Variants in ADGRD1 observed in about 807,000 individuals in gnomAD.
The protein encoded by ADGRD1 is adhesion G protein-coupled receptor D1.
In ADGRD1, 77 loss-of-function variants were observed where a neutral mutation model predicts 113.4. The ratio of observed to expected loss-of-function variants is 0.68; its 90% CI spans 0.57 to 0.82. ADGRD1 has a LOEUF of 0.82. ADGRD1 is among the 40% of genes least tolerant of loss of function. The pLI is 0.00. For synonymous variants in ADGRD1, 474 were observed against 475.0 expected (o/e 1.00, Z 0.03); for missense variants, 1,036 against 1,139.1 (o/e 0.91, Z 1.30).
At chr12:131,017,677 GACACAA>G (rs1157474754) in intron 13 of ADGRD1, among the ~76,000 whole-genome samples, 1 of 131,264 alleles carries the variant, frequency 7.6e-6, no homozygotes, top group Non-Finnish European at 1.6e-5. Context: ...CACCAACACA[GACACAA>G]ACACCCAGTG....
chr12:131,075,172 C>T lies in ADGRD1; in HGVS notation c.1474-1629C>T, dbSNP rs751926874. Among the ~76,000 whole-genome samples, 27 of 152,352 alleles carry T rather than the reference C, an allele frequency of 1.8e-4. No homozygotes were observed. The highest frequency in any genetic ancestry group is 6.0e-4 in the African/African-American group (25 of 41,584). On this transcript the variant is annotated intron_variant, in intron 13 of 24. Transcript: ENST00000261654. The surrounding 1 kb of genome is among the most constrained non-coding windows in gnomAD (Gnocchi z 5.3). ...TTTCCTTTAAATTACTCAGGTAACA[C>T]ACAAATACGCCTCCTTGTTAAAAAA...
chr12:131,037,039 T>A (rs1404967358), intron 13 of ADGRD1, among the ~76,000 whole-genome samples: 1 of 121,056 alleles, frequency 8.3e-6, no homozygotes. Flanking sequence ...ACTCACTGCA[T>A]GGGGCCTCAC....
chr12:131,079,568 C>G (rs2137182979), intron 14 of ADGRD1, among the ~76,000 whole-genome samples: 1 of 152,236 alleles, frequency 6.6e-6, no homozygotes, highest in African/African-American at 2.4e-5. Context: ...TTATTTCTTC[C>G]ATTTTAGTAG....
chr12:131,070,882 G>A (rs779235384), intron 13 of ADGRD1: 2 of 519,076 alleles, frequency 3.9e-6, no homozygotes, highest in South Asian at 1.4e-5. Context: ...GGACGTCCTG[G>A]AGAGTCGGGT....
intron 14 of ADGRD1, among the ~76,000 whole-genome samples, chr12:131,080,998 T>C (rs977115796): frequency 2.0e-5 from 3 of 152,260 alleles, no homozygotes; most frequent in Non-Finnish European, 4.4e-5. Flanking sequence ...TTATGTCTTC[T>C]TGGAAGATTA....
intron 13 of ADGRD1, among the ~76,000 whole-genome samples, chr12:131,039,386 G>T (rs898248378): frequency 6.6e-6 from 1 of 152,394 alleles, no homozygotes. Flanking sequence ...CCTGAGAGGA[G>T]GGTTTCCATA....
intron 13 of ADGRD1, among the ~76,000 whole-genome samples, chr12:131,058,196 G>T (rs1345706095): frequency 2.0e-5 from 3 of 152,114 alleles, no homozygotes; most frequent in Admixed American, 1.3e-4. Flanking sequence ...TTATTTCATA[G>T]CATCCCTCCA....
At chr12:131,056,155 AT>A (rs1293169268) in intron 13 of ADGRD1, among the ~76,000 whole-genome samples, 1 of 152,068 alleles carries the variant, frequency 6.6e-6, no homozygotes, top group South Asian at 2.1e-4. Context: ...TGAAAATATT[AT>A]TTTTTTCCTC....
intron 20 of ADGRD1, among the ~76,000 whole-genome samples, chr12:131,121,494 CCTCA>C (rs534719016): frequency 3.2e-4 from 48 of 152,306 alleles, no homozygotes; most frequent in African/African-American, 1.1e-3. Flanking sequence ...GATTCTCCTG[CCTCA>C]CTCTCCCAAG....
intron 22 of ADGRD1, 59 bp from the exon 23 acceptor site, chr12:131,136,914 A>G: frequency 7.6e-6 from 10 of 1,323,490 alleles, no homozygotes; most frequent in South Asian, 2.3e-5. Flanking sequence ...AGGAACCTCC[A>G]GTGTTCCTAA....
intron 12 of ADGRD1, among the ~76,000 whole-genome samples, chr12:131,010,186 T>C (rs78222385): frequency 0.068 from 10,411 of 152,268 alleles, 1,002 homozygotes; most frequent in African/African-American, 0.22. Flanking sequence ...TCAGAGATGC[T>C]GCCATGTGCC....
At chr12:131,004,403 C>A in intron 11 of ADGRD1, 107 bp downstream of exon 11, 1 of 851,692 alleles carries the variant, frequency 1.2e-6, no homozygotes, top group South Asian at 1.5e-5. Context: ...CTGCGGTGCT[C>A]CCCCGGGCCG....
intron 23 of ADGRD1, 122 bp from the exon 24 acceptor site, chr12:131,138,015 A>G (rs1303112591): frequency 7.9e-6 from 6 of 761,272 alleles, no homozygotes; most frequent in East Asian, 2.6e-5. Flanking sequence ...GCTCCGACTC[A>G]TATTTCCAAA....
At chr12:131,033,987 A>G (rs1337567388) in intron 13 of ADGRD1, among the ~76,000 whole-genome samples, 1 of 152,018 alleles carries the variant, frequency 6.6e-6, no homozygotes, top group Non-Finnish European at 1.5e-5. Context: ...TTCCACCGGT[A>G]CCCATCGTCA....
intron 2 of ADGRD1, among the ~76,000 whole-genome samples, chr12:130,960,064 G>A: frequency 6.6e-6 from 1 of 152,226 alleles, no homozygotes. Flanking sequence ...ACAGCCTTAT[G>A]AAGCTGTGAT....
chr12:131,118,513 C>A, intron 19 of ADGRD1, 62 bp downstream of exon 19: 1 of 1,275,098 alleles, frequency 7.8e-7, no homozygotes, highest in South Asian at 1.3e-5. Context: ...GTGGCGAGAG[C>A]CCCGTGGCTC....
rs989540585 is a variant in ADGRD1 at position 131,113,120 on chromosome 12, T to TG, written c.2041+4246dup. Among the ~76,000 whole-genome samples, 1 of 152,180 alleles carries TG rather than the reference T, an allele frequency of 6.6e-6. No homozygotes were observed. Among genetic ancestry groups the TG allele is most frequent in the Non-Finnish European group, 1.5e-5 (1 of 68,026 alleles). ...GAGCAGAGCCTCTCTCACACCAAGCTGGGCAGGGAAGCAGGTTTTGGCTGA... is the reference window on the plus strand; with the variant it reads ...GAGCAGAGCCTCTCTCACACCAAGCTGGGGCAGGGAAGCAGGTTTTGGCTGA... On this transcript the variant is annotated intron_variant, in intron 18 of 24. Coordinates refer to ENST00000261654, the MANE Select transcript of ADGRD1 (RefSeq NM_198827.5). This position sits in a 1 kb window ranked among gnomAD's most constrained non-coding sequence, Gnocchi z 4.9.
chr12:131,014,078 C>T, intron 12 of ADGRD1, 121 bp from the exon 13 acceptor site: 1 of 966,446 alleles, frequency 1.0e-6, no homozygotes. Flanking sequence ...ATCAAAGCTT[C>T]ATCCAAAGAA....
At chr12:131,001,083 ATTT>A (rs903571054) in intron 9 of ADGRD1, among the ~76,000 whole-genome samples, 2 of 150,122 alleles carry the variant, frequency 1.3e-5, no homozygotes, top group Non-Finnish European at 3.0e-5. Flanking sequence ...TGTAATATGT[ATTT>A]TTTTTTTCTT....
Sources: gnomAD v4.1 joint callset for allele counts (sites outside exome capture counted in the v4.1 genomes callset) on GRCh38, gnomAD v4.1.1 for gene constraint, Gnocchi (gnomAD v3.1) non-coding constraint, MANE v1.5 for transcripts, NCBI Gene and HGNC (gene_info 2026-07-23, HGNC 2026-07-21) for gene names.